TPD52L2: variants seen among roughly 807,000 people sequenced by gnomAD.
TPD52L2 encodes the protein TPD52 like 2, also known as tumor protein D54.
A neutral mutation model predicts 24.7 loss-of-function variants in TPD52L2; 19 were observed. The observed-to-expected ratio is 0.77, with a 90% CI of 0.54 to 1.13. The LOEUF is 1.13. TPD52L2 is among the 50% of genes most tolerant of loss of function. The pLI is 0.00. For missense variants in TPD52L2, 236 were observed against 250.4 expected, an observed-to-expected ratio of 0.94 and a Z score of 0.39; for synonymous variants, 104 against 100.2, an observed-to-expected ratio of 1.04 and a Z score of -0.23.
chr20:63,874,297 G>T (rs2052583908), intron 3 of TPD52L2, among the ~76,000 whole-genome samples: 1 of 150,316 alleles, frequency 6.7e-6, no homozygotes, highest in Admixed American at 6.7e-5. Context: ...GGCCAGGCTG[G>T]TCTTGAACTC....
At chr20:63,885,040 G>C (rs954159975) in intron 5 of TPD52L2, among the ~76,000 whole-genome samples, 2 of 152,240 alleles carry the variant, frequency 1.3e-5, no homozygotes, top group African/African-American at 4.8e-5. Flanking sequence ...GTTAGAGACT[G>C]AGGTTGAGAG....
intron 5 of TPD52L2, chr20:63,887,527 T>C (rs200097940): frequency 4.3e-5 from 70 of 1,612,084 alleles, no homozygotes; most frequent in Non-Finnish European, 5.9e-5. Context: ...GTGTTAACTC[T>C]TGCTTCCTTC....
At chr20:63,886,075 CT>C in intron 5 of TPD52L2, 1 of 1,612,146 alleles carries the variant, frequency 6.2e-7, no homozygotes, top group East Asian at 2.2e-5. Flanking sequence ...CTGTGGAAGA[CT>C]TTTCTCTGAA....
intron 5 of TPD52L2, chr20:63,886,155 C>G: frequency 9.4e-7 from 1 of 1,068,100 alleles, no homozygotes; most frequent in Non-Finnish European, 1.4e-6. Context: ...AAAGTGGGAT[C>G]ACCCCTTCCA....
intron 4 of TPD52L2, chr20:63,876,750 C>T (rs1381519128): frequency 4.4e-6 from 2 of 455,730 alleles, no homozygotes; most frequent in Non-Finnish European, 8.8e-6. Context: ...GGAGCCTTTG[C>T]GTCTGGTGTC....
At chr20:63,881,844 C>G (rs959056198) in intron 4 of TPD52L2, among the ~76,000 whole-genome samples, 1 of 152,180 alleles carries the variant, frequency 6.6e-6, no homozygotes, top group African/African-American at 2.4e-5. Flanking sequence ...ATGGTGGCAG[C>G]TGGATGAGGG....
At position 63,882,611 on chromosome 20, in the gene TPD52L2, G is replaced by C. The variant is rs1369147487; in HGVS notation, c.375-108G>C. 3.4e-6 allele frequency: 3 copies of C among 881,218 alleles called. No individual in the cohort carries two copies. The African/African-American group carries it at 4.9e-5, about 14-fold the overall frequency. 54.6% of individuals were successfully genotyped at this position (881,218 alleles called of 1,614,324 possible). On this transcript the variant is annotated intron_variant, in intron 4 of 6. Coordinates refer to ENST00000346249, the MANE Select transcript of TPD52L2 (RefSeq NM_003288.4). ...TGGCGAGTGTCCACCCCTTGGCCCA[G>C]CTCCTTTCCTCAGTTTTCCTCGGGC...
chr20:63,866,117 T>C (rs1054974485), intron 1 of TPD52L2, among the ~76,000 whole-genome samples: 2 of 152,190 alleles, frequency 1.3e-5, no homozygotes, highest in Non-Finnish European at 2.9e-5. Flanking sequence ...TCTTTCTTTA[T>C]TTTTTTGAGA....
At chr20:63,869,199 C>T in intron 1 of TPD52L2, 97 bp from the exon 2 acceptor site, 1 of 1,412,518 alleles carries the variant, frequency 7.1e-7, no homozygotes, top group Non-Finnish European at 9.9e-7. Context: ...GGGTCTCACC[C>T]ACTCCCACCT....
In TPD52L2 at chr20:63,890,116, A is replaced by G. The variant is rs985500045; in HGVS notation, c.*171A>G. ...CTGCCGCGTTTGCATGAATTTGAAG[A>G]ACACAGGCTTGTACACAGATGTTTT... On this transcript the variant is annotated 3_prime_UTR_variant, in exon 7 of 7. Coordinates refer to ENST00000346249, the MANE Select transcript of TPD52L2 (RefSeq NM_003288.4). 20 of 1,421,998 alleles carry G rather than the reference A, an allele frequency of 1.4e-5. No homozygotes were observed. In the South Asian group the frequency reaches 1.7e-4, roughly 12 times the overall value. The allele number at this position is 1,421,998 out of a possible 1,614,324, so 88.1% of individuals were successfully genotyped here. A position where few individuals can be genotyped will look rare whatever the true frequency, so the allele number is the denominator to read the frequency against.
intron 1 of TPD52L2, 112 bp downstream of exon 1, chr20:63,865,496 C>T (rs2052179995): frequency 1.5e-6 from 2 of 1,361,016 alleles, no homozygotes; most frequent in South Asian, 1.4e-5. Context: ...GGTTCACCCA[C>T]CCCGCGGCCC....
chr20:63,878,773 A>G (rs897175430), intron 4 of TPD52L2, among the ~76,000 whole-genome samples: 8 of 152,208 alleles, frequency 5.3e-5, no homozygotes, highest in African/African-American at 1.9e-4. Context: ...CTGTCTGTCC[A>G]GGGCTCTCTT....
intron 1 of TPD52L2, among the ~76,000 whole-genome samples, chr20:63,867,869 C>T (rs1286247937): frequency 6.6e-6 from 1 of 150,976 alleles, no homozygotes; most frequent in Admixed American, 6.6e-5. Flanking sequence ...AACTCCTGAC[C>T]TCAGGTGATC....
At chr20:63,885,156 C>T (rs2053046887) in intron 5 of TPD52L2, among the ~76,000 whole-genome samples, 1 of 152,246 alleles carries the variant, frequency 6.6e-6, no homozygotes, top group Non-Finnish European at 1.5e-5. Flanking sequence ...GCGGAAGCCC[C>T]TCTGGACAGC....
In TPD52L2 at chr20:63,889,978, C is replaced by T. The variant is rs759149379; in HGVS notation, c.*33C>T. The stretch of plus-strand genomic sequence containing the variant: ...GTTGCTTCACCCGCTGCAGAGCACA[C>T]GCAACCCAGCCTCAGCATCACAGCC... On this transcript the variant is annotated 3_prime_UTR_variant, in exon 7 of 7. Transcript: ENST00000346249. 21 of 1,612,238 alleles carry T rather than the reference C, an allele frequency of 1.3e-5. No homozygotes were observed. The African/African-American group carries it at 1.3e-4, about 10-fold the overall frequency.
intron 5 of TPD52L2, chr20:63,888,276 CTT>C (rs1568963631): frequency 1.3e-5 from 2 of 153,648 alleles, no homozygotes; most frequent in African/African-American, 4.8e-5. Flanking sequence ...GCTTTCTCCT[CTT>C]GTCTCCTTAT....
intron 2 of TPD52L2, among the ~76,000 whole-genome samples, 153 bp downstream of exon 2, chr20:63,869,594 G>T (rs897995771): frequency 6.6e-6 from 1 of 152,172 alleles, no homozygotes; most frequent in African/African-American, 2.4e-5. Context: ...GGTTCTCTTT[G>T]TATGTGCCCA....
rs1269683317 is a variant in TPD52L2, at chr20:63,889,259, T to C, written c.525+21T>C. 1.9e-6 allele frequency: 3 copies of C among 1,608,694 alleles called. 1 individual carries two copies. The South Asian group carries it at 3.3e-5, about 18-fold the overall frequency. On this transcript the variant is annotated intron_variant, in intron 6 of 6. Transcript: ENST00000346249. ...TAAAGGTAATTGTACCTGGACTGTT[T>C]GATGGTCTTGGCAAGGTGTGACCTG...
At chr20:63,871,966 T>C (rs1490816437) in intron 2 of TPD52L2, among the ~76,000 whole-genome samples, 2 of 151,786 alleles carry the variant, frequency 1.3e-5, no homozygotes, top group African/African-American at 2.4e-5. Flanking sequence ...AAGCTAGTCA[T>C]ATATGAGCTG....
Sources: allele counts gnomAD v4.1 joint callset (sites outside exome capture counted in the v4.1 genomes callset), GRCh38; gene constraint gnomAD v4.1.1; transcripts MANE v1.5; gene names NCBI Gene and HGNC (gene_info 2026-07-23, HGNC 2026-07-21).